NSD2: variants seen among roughly 807,000 people sequenced by gnomAD.
NSD2 encodes nuclear receptor binding SET domain protein 2.
NSD2 carries 12 observed loss-of-function variants against 139.0 expected under a neutral mutation model. The observed-to-expected ratio is 0.09, with a 90% CI of 0.06 to 0.14. The LOEUF is 0.14. Among genes scored for constraint, NSD2 ranks in the 10% least tolerant of loss-of-function variants. The pLI is 1.00. For missense variants in NSD2, 1,155 were observed against 1,745.0 expected, an observed-to-expected ratio of 0.66 and a Z score of 6.02; for synonymous variants, 669 against 648.7, an observed-to-expected ratio of 1.03 and a Z score of -0.48.
Position 1,908,018 on chromosome 4 carries a change from A to G in NSD2, c.760+3640A>G, listed in dbSNP as rs144573851. 2.1e-4 allele frequency among the ~76,000 whole-genome samples: 32 copies of G among 152,306 alleles called. 1 individual carries two copies. The highest frequency in any genetic ancestry group is 2.1e-3 in the Admixed American group (32 of 15,296). ...CTCAGCACCAGCCGCATTTCGGGAA[A>G]CATCACATCAGTAACAAGATCTGTT... On this transcript the variant is annotated intron_variant, in intron 3 of 21. Coordinates refer to ENST00000508803, the MANE Select transcript of NSD2 (RefSeq NM_001042424.3).
intron 9 of NSD2, chr4:1,940,381 G>A: frequency 9.4e-7 from 1 of 1,063,774 alleles, no homozygotes; most frequent in Non-Finnish European, 1.1e-6. Flanking sequence ...GTACATGATA[G>A]CAAAATAAAG....
intron 9 of NSD2, chr4:1,940,306 A>G (rs1405976176): frequency 3.9e-5 from 42 of 1,073,046 alleles, no homozygotes; most frequent in Non-Finnish European, 4.5e-5. Context: ...ATTTTTAGTT[A>G]CTTGAGTGTT....
chr4:1,941,538 A>G, intron 9 of NSD2: 5 of 1,042,016 alleles, frequency 4.8e-6, no homozygotes, highest in Non-Finnish European at 5.8e-6. Context: ...GCATTTTATC[A>G]TCATTAGACT....
At chr4:1,941,060 A>G in intron 9 of NSD2, 3 of 1,056,404 alleles carry the variant, frequency 2.8e-6, no homozygotes, top group Non-Finnish European at 3.4e-6. Flanking sequence ...GAGAAAAGGC[A>G]GTAAGAATTA....
Position 1,956,183 on chromosome 4 carries a change from A to G in NSD2, c.2876A>G (p.Lys959Arg), listed in dbSNP as rs772127940. The change falls in exon 15 of 22, where the codon AAA becomes AGA. Residue 959 changes from lysine to arginine, a missense_variant. Coordinates refer to ENST00000508803, the MANE Select transcript of NSD2 (RefSeq NM_001042424.3). This position sits in a 1 kb window ranked among gnomAD's most constrained non-coding sequence, Gnocchi z 5.3. ...QGVRGIGRVFKNALQEAEARF... is the reference protein window; with the variant it reads ...QGVRGIGRVFRNALQEAEARF... ...GTCAGAGGGATCGGAAGAGTCTTCA[A>G]AAACGGTACGGAGATATTCAGATAG... The G allele has an allele frequency of 2.5e-6, 4 of 1,605,982 alleles. No homozygotes were observed. Among genetic ancestry groups the G allele is most frequent in the Non-Finnish European group, 3.4e-6 (4 of 1,175,126 alleles).
At chr4:1,913,129 T>C (rs1560624523) in intron 3 of NSD2, among the ~76,000 whole-genome samples, 1 of 152,190 alleles carries the variant, frequency 6.6e-6, no homozygotes, top group South Asian at 2.1e-4. Context: ...CATACAGAGA[T>C]AGGAGCTGAA....
At chr4:1,940,348 C>G in intron 9 of NSD2, 2 of 1,068,206 alleles carry the variant, frequency 1.9e-6, no homozygotes, top group Non-Finnish European at 2.3e-6. Flanking sequence ...TGTAATATGA[C>G]TCCTGTGTTC....
intron 1 of NSD2, among the ~76,000 whole-genome samples, chr4:1,893,326 C>T (rs1715775598): frequency 6.6e-6 from 1 of 152,070 alleles, no homozygotes. Flanking sequence ...AAAAATGAGC[C>T]AGGCGTGGTG....
chr4:1,872,362 C>G (rs1266707759), intron 1 of NSD2, among the ~76,000 whole-genome samples: 1 of 152,178 alleles, frequency 6.6e-6, no homozygotes, highest in Non-Finnish European at 1.5e-5. Context: ...GCTCCACTCA[C>G]AGGAACCGTG....
intron 3 of NSD2, among the ~76,000 whole-genome samples, chr4:1,915,111 C>CTTTTTT (rs781255847): frequency 2.6e-4 from 30 of 115,520 alleles, no homozygotes; most frequent in African/African-American, 4.9e-4. Flanking sequence ...CTTTTTTTCT[C>CTTTTTT]TTTTTTTTTT....
At chr4:1,939,557 A>G in intron 8 of NSD2, 97 bp from the exon 9 acceptor site, 1 of 1,230,278 alleles carries the variant, frequency 8.1e-7, no homozygotes, top group Non-Finnish European at 1.2e-6. Context: ...CAGAAGATTC[A>G]TCTTTAGAAC....
intron 1 of NSD2, among the ~76,000 whole-genome samples, chr4:1,881,872 A>G (rs1714730962): frequency 6.6e-6 from 1 of 152,054 alleles, no homozygotes; most frequent in Non-Finnish European, 1.5e-5. Context: ...CAGAACGGGG[A>G]TTGGGTGTTG....
In NSD2 at chr4:1,937,453, C is replaced by T. The variant is rs114260834; in HGVS notation, c.1675-998C>T. Among the ~76,000 whole-genome samples the T allele has an allele frequency of 8.8e-3, 1,343 of 152,272 alleles. 10 individuals are homozygous for T. Among genetic ancestry groups the T allele is most frequent in the African/African-American group, 0.02 (821 of 41,532 alleles). On this transcript the variant is annotated intron_variant, in intron 7 of 21. Transcript: ENST00000508803. ...TGTTATACCTAAAAAATACATGACC[C>T]TAGACACTCAGAATACCAAAATTCA...
rs371065571 is a variant in NSD2, at chr4:1,978,620, T to C, written c.3827-18T>C. 25 of 1,591,708 alleles carry C rather than the reference T, an allele frequency of 1.6e-5. No individual in the cohort carries two copies. In the African/African-American group the frequency reaches 3.1e-4, roughly 20 times the overall value. On this transcript the variant is annotated intron_variant, in intron 21 of 21. Coordinates refer to ENST00000508803, the MANE Select transcript of NSD2 (RefSeq NM_001042424.3). Reference sequence around the variant, plus strand: ...ATTCCATCACTTCTGTGTGCTCACATCTTGTGTTCTGTTGCAGGGAAGTGG... The same window carrying C: ...ATTCCATCACTTCTGTGTGCTCACACCTTGTGTTCTGTTGCAGGGAAGTGG...
intron 9 of NSD2, chr4:1,940,580 T>A (rs1198643852): frequency 1.9e-6 from 2 of 1,064,062 alleles, no homozygotes; most frequent in Non-Finnish European, 2.3e-6. Context: ...AGTTTTAATT[T>A]CTTGTTATTT....
Position 1,948,178 on chromosome 4 carries a change from A to G in NSD2, c.1882-2894A>G. ...GAAAACTTTGAAAAGTCAGGAGCTA[A>G]GCTGCTCGGAGCTCAGTGCCGCAGC... On this transcript the variant is annotated intron_variant, in intron 9 of 21. Coordinates refer to ENST00000508803, the MANE Select transcript of NSD2 (RefSeq NM_001042424.3). The surrounding 1 kb of genome is among the most constrained non-coding windows in gnomAD (Gnocchi z 4.5). The G allele has an allele frequency of 1.9e-6, 2 of 1,063,544 alleles. No homozygotes were observed. Among genetic ancestry groups the G allele is most frequent in the Non-Finnish European group, 2.3e-6 (2 of 877,964 alleles). The allele number at this position is 1,063,544 out of a possible 1,614,324, so 65.9% of individuals were successfully genotyped here.
chr4:1,958,610 T>C lies in NSD2; in HGVS notation c.2985+574T>C, dbSNP rs1725067339. ...TCCCCAGGAGCCTCGTGGCCGTTCC[T>C]GACGAGTGTTTGTGATAAGTGTGTG... On this transcript the variant is annotated intron_variant, in intron 16 of 21. Transcript: ENST00000508803. This position sits in a 1 kb window ranked among gnomAD's most constrained non-coding sequence, Gnocchi z 4.6. Among the ~76,000 whole-genome samples, 1 of 152,258 alleles carries C rather than the reference T, an allele frequency of 6.6e-6. No homozygotes were observed. Among genetic ancestry groups the C allele is most frequent in the Non-Finnish European group, 1.5e-5 (1 of 68,044 alleles).
chr4:1,963,549 G>C (rs541279194), intron 18 of NSD2, among the ~76,000 whole-genome samples: 1 of 152,320 alleles, frequency 6.6e-6, no homozygotes, highest in African/African-American at 2.4e-5. Flanking sequence ...ATGCCAAGTG[G>C]ATACTGCAGT....
At chr4:1,891,418 C>T (rs1715532738) in intron 1 of NSD2, among the ~76,000 whole-genome samples, 1 of 152,190 alleles carries the variant, frequency 6.6e-6, no homozygotes, top group Admixed American at 6.5e-5. Flanking sequence ...GGGGAATGTC[C>T]TGAATATCTC....
Sources: gnomAD v4.1 joint callset for allele counts (sites outside exome capture counted in the v4.1 genomes callset) on GRCh38, gnomAD v4.1.1 for gene constraint, Gnocchi (gnomAD v3.1) non-coding constraint, MANE v1.5 for transcripts, NCBI Gene and HGNC (gene_info 2026-07-23, HGNC 2026-07-21) for gene names.